Variants in GRK5 observed in about 807,000 individuals in gnomAD.
The protein encoded by GRK5 is G protein-coupled receptor kinase 5.
In GRK5, 40 loss-of-function variants were observed where a neutral mutation model predicts 78.4. The ratio of observed to expected loss-of-function variants is 0.51; its 90% CI spans 0.40 to 0.66. The LOEUF (loss-of-function observed/expected upper bound fraction) is 0.66. GRK5 is among the 30% of genes least tolerant of loss of function. The probability of loss-of-function intolerance (pLI) is 0.00; values close to 1 mark genes in which losing one functional copy is unlikely to be tolerated. For missense variants in GRK5, 598 were observed against 759.9 expected (o/e 0.79, Z 2.50); for synonymous variants, 289 against 296.8 (o/e 0.97, Z 0.27).
At chr10:119,235,740 C>G (rs1848914186) in intron 1 of GRK5, among the ~76,000 whole-genome samples, 1 of 152,144 alleles carries the variant, frequency 6.6e-6, no homozygotes, top group African/African-American at 2.4e-5. Flanking sequence ...GACTTGGGGA[C>G]TGACAGCCCA....
chr10:119,233,584 T>A (rs1282488962), intron 1 of GRK5, among the ~76,000 whole-genome samples: 1 of 152,222 alleles, frequency 6.6e-6, no homozygotes, highest in African/African-American at 2.4e-5. Context: ...GGGGGCCAGA[T>A]GTACCCCCCT....
At chr10:119,365,120 A>G (rs1479742401) in intron 2 of GRK5, among the ~76,000 whole-genome samples, 2 of 152,190 alleles carry the variant, frequency 1.3e-5, no homozygotes, top group Admixed American at 6.5e-5. Context: ...AGGTCTAGAC[A>G]GTTATGAAAT....
At chr10:119,208,057 G>C (rs76294185) in intron 1 of GRK5, 88 bp downstream of exon 1, 16,308 of 1,276,132 alleles carry the variant, frequency 0.013, 325 homozygotes, top group East Asian at 0.08. Context: ...GGCTGCGCCC[G>C]TGCAGGATGC....
chr10:119,362,184 C>T (rs1851375873), intron 2 of GRK5, among the ~76,000 whole-genome samples: 1 of 152,220 alleles, frequency 6.6e-6, no homozygotes, highest in African/African-American at 2.4e-5. Flanking sequence ...AAGCCATAGC[C>T]TGGGGTCAAA....
intron 1 of GRK5, among the ~76,000 whole-genome samples, chr10:119,226,547 C>CTT (rs869156632): frequency 8.8e-5 from 11 of 125,018 alleles, no homozygotes; most frequent in Admixed American, 1.6e-4. Context: ...GTCTCTGTAT[C>CTT]TTTTTTTTTT....
intron 1 of GRK5, among the ~76,000 whole-genome samples, chr10:119,257,522 G>C (rs1404512116): frequency 6.6e-6 from 1 of 152,184 alleles, no homozygotes; most frequent in Non-Finnish European, 1.5e-5. Flanking sequence ...CCAGGAGTTT[G>C]AGACCAGCCT....
intron 1 of GRK5, among the ~76,000 whole-genome samples, chr10:119,212,647 A>G (rs1329169537): frequency 2.6e-5 from 4 of 152,240 alleles, no homozygotes; most frequent in African/African-American, 4.8e-5. Context: ...GGAGTGCAAG[A>G]TAAAGCATTA....
chr10:119,444,767 G>C (rs12258515), intron 12 of GRK5, among the ~76,000 whole-genome samples: 41,376 of 152,162 alleles, frequency 0.27, 5,827 homozygotes, highest in East Asian at 0.5. Context: ...GAGCCTGGGA[G>C]GGGGGAGCCA....
intron 2 of GRK5, among the ~76,000 whole-genome samples, chr10:119,352,662 A>G (rs55926320): frequency 0.057 from 8,725 of 152,118 alleles, 591 homozygotes; most frequent in African/African-American, 0.17. Flanking sequence ...ATTGGAGGGG[A>G]AAGTTGCAGC....
At chr10:119,413,519 A>C (rs1198343031) in intron 4 of GRK5, among the ~76,000 whole-genome samples, 1 of 151,906 alleles carries the variant, frequency 6.6e-6, no homozygotes, top group Non-Finnish European at 1.5e-5. Context: ...CAGGGTTTGG[A>C]ACTGGGCAGG....
chr10:119,297,566 G>C (rs989755751), intron 1 of GRK5, among the ~76,000 whole-genome samples: 2 of 152,218 alleles, frequency 1.3e-5, no homozygotes, highest in Non-Finnish European at 2.9e-5. Flanking sequence ...AGGTGATTAG[G>C]CCATGAGGGC....
At chr10:119,340,123 T>G (rs1170220709) in intron 2 of GRK5, among the ~76,000 whole-genome samples, 1 of 151,834 alleles carries the variant, frequency 6.6e-6, no homozygotes, top group Non-Finnish European at 1.5e-5. Context: ...TTTGTTTGTT[T>G]GTTTTGTTTT....
intron 1 of GRK5, among the ~76,000 whole-genome samples, chr10:119,250,074 C>T (rs1194217374): frequency 6.6e-6 from 1 of 152,226 alleles, no homozygotes; most frequent in Non-Finnish European, 1.5e-5. Flanking sequence ...CTGACCTCCA[C>T]AGAGGCTCTT....
At chr10:119,344,995 A>T (rs111700099) in intron 2 of GRK5, among the ~76,000 whole-genome samples, 1 of 145,644 alleles carries the variant, frequency 6.9e-6, no homozygotes, top group Non-Finnish European at 1.5e-5. Context: ...CTGAGATGGA[A>T]TCTCGCTCTG....
At position 119,452,663 on chromosome 10, in the gene GRK5, C is replaced by T; in HGVS notation, c.1405-8C>T. 6.2e-7 allele frequency: 1 copy of T among 1,613,888 alleles called. No homozygotes were observed. The highest frequency in any genetic ancestry group is 2.2e-5 in the East Asian group (1 of 44,884). ...ACATATGTGTGACCGGCCCTCTGCCCCTGGCAGCCCCGCGCTGTGTACTGT... is the reference window on the plus strand; with the variant it reads ...ACATATGTGTGACCGGCCCTCTGCCTCTGGCAGCCCCGCGCTGTGTACTGT... On this transcript the variant is annotated splice_region_variant and splice_polypyrimidine_tract_variant and intron_variant, in intron 13 of 15. Coordinates refer to ENST00000392870, the MANE Select transcript of GRK5 (RefSeq NM_005308.3). This position sits in a 1 kb window ranked among gnomAD's most constrained non-coding sequence, Gnocchi z 4.4.
chr10:119,220,023 C>T (rs188839840), intron 1 of GRK5, among the ~76,000 whole-genome samples: 3 of 152,244 alleles, frequency 2.0e-5, no homozygotes, highest in Admixed American at 2.0e-4. Context: ...AGGATGTAAT[C>T]GTTAAAGAAA....
intron 8 of GRK5, among the ~76,000 whole-genome samples, chr10:119,434,056 A>C (rs1852873724): frequency 6.6e-6 from 1 of 152,188 alleles, no homozygotes; most frequent in Non-Finnish European, 1.5e-5. Flanking sequence ...TCCCCTTATA[A>C]AACCATCAGA....
intron 2 of GRK5, among the ~76,000 whole-genome samples, chr10:119,359,205 G>A (rs74795135): frequency 0.024 from 3,628 of 152,272 alleles, 144 homozygotes; most frequent in East Asian, 0.14. Context: ...GGGTGGGGCT[G>A]GGGCAATCCA....
intron 2 of GRK5, among the ~76,000 whole-genome samples, chr10:119,328,662 G>A (rs1013542276): frequency 3.3e-5 from 5 of 152,332 alleles, no homozygotes; most frequent in East Asian, 1.9e-4. Flanking sequence ...AGGGCCACAG[G>A]GCTGCTCGGA....
Sources: gnomAD v4.1 joint callset for allele counts (sites outside exome capture counted in the v4.1 genomes callset) on GRCh38, gnomAD v4.1.1 for gene constraint, Gnocchi (gnomAD v3.1) non-coding constraint, MANE v1.5 for transcripts, NCBI Gene and HGNC (gene_info 2026-07-23, HGNC 2026-07-21) for gene names.